The following STIM1 variants were observed in gnomAD, a reference collection of about 807,000 sequenced individuals.
STIM1 encodes stromal interaction molecule 1.
In STIM1, 25 loss-of-function variants were observed where a neutral mutation model predicts 74.7. The ratio of observed to expected loss-of-function variants is 0.33; its 90% CI spans 0.24 to 0.47. The LOEUF (loss-of-function observed/expected upper bound fraction) is 0.47, where lower values mean the gene tolerates loss of function less well. STIM1 is among the 20% of genes least tolerant of loss of function. STIM1 has a pLI of 1.00. For missense variants in STIM1, 728 were observed against 920.8 expected (o/e 0.79, Z 2.71); for synonymous variants, 328 against 348.8 (o/e 0.94, Z 0.66).
intron 2 of STIM1, among the ~76,000 whole-genome samples, chr11:3,983,969 C>T (rs1271953125): frequency 2.6e-5 from 4 of 151,902 alleles, no homozygotes; most frequent in African/African-American, 9.7e-5. Flanking sequence ...TGGATTCAAG[C>T]GATTCTCCTG....
intron 4 of STIM1, among the ~76,000 whole-genome samples, chr11:4,057,478 A>T (rs2094298966): frequency 6.6e-6 from 1 of 152,202 alleles, no homozygotes; most frequent in Non-Finnish European, 1.5e-5. Context: ...TATAATGAGA[A>T]TAATCTAGCA....
At chr11:3,953,109 T>G (rs886263037) in intron 1 of STIM1, among the ~76,000 whole-genome samples, 2 of 152,174 alleles carry the variant, frequency 1.3e-5, no homozygotes, top group Non-Finnish European at 2.9e-5. Context: ...GGAGGAGAGA[T>G]AGCCAGAGAC....
intron 1 of STIM1, among the ~76,000 whole-genome samples, chr11:3,876,840 G>A (rs896389015): frequency 7.2e-5 from 11 of 152,174 alleles, no homozygotes; most frequent in African/African-American, 2.7e-4. Flanking sequence ...GTTCTTGTCT[G>A]TCTCATGCAC....
At chr11:4,024,054 G>A in intron 3 of STIM1, 67 bp downstream of exon 3, 1 of 1,340,160 alleles carries the variant, frequency 7.5e-7, no homozygotes, top group Middle Eastern at 1.8e-4. Context: ...GCAGCAACTT[G>A]GCCTTAGAAG....
At chr11:3,897,662 C>A (rs1017516445) in intron 1 of STIM1, among the ~76,000 whole-genome samples, 2 of 152,098 alleles carry the variant, frequency 1.3e-5, no homozygotes, top group African/African-American at 4.8e-5. Flanking sequence ...TCCCTCCCCC[C>A]GCCACGCCCA....
In STIM1 at chr11:4,092,373, C is replaced by T. The variant is rs1365074191; in HGVS notation, c.*575C>T. The T allele has an allele frequency of 4.2e-5, 7 of 166,984 alleles. No individual in the cohort carries two copies. The highest frequency in any genetic ancestry group is 1.7e-4 in the African/African-American group (7 of 41,746). 10.3% of individuals were successfully genotyped at this position (166,984 alleles called of 1,614,324 possible). On this transcript the variant is annotated 3_prime_UTR_variant, in exon 13 of 13. Coordinates refer to ENST00000526596, the MANE Select transcript of STIM1 (RefSeq NM_001382567.1). ...GAGCCTCATCCTAATCTCACTCAGGCCTCCAGGGATCCATGGGGGAGTGAA... is the reference window on the plus strand; with the variant it reads ...GAGCCTCATCCTAATCTCACTCAGGTCTCCAGGGATCCATGGGGGAGTGAA...
At chr11:3,906,655 T>A (rs889511701) in intron 1 of STIM1, among the ~76,000 whole-genome samples, 8 of 152,174 alleles carry the variant, frequency 5.3e-5, no homozygotes, top group Non-Finnish European at 1.2e-4. Flanking sequence ...TTTAAAAAAA[T>A]TTAAATTTTG....
At chr11:3,992,079 C>CTT (rs2093619102) in intron 2 of STIM1, among the ~76,000 whole-genome samples, 6 of 100,166 alleles carry the variant, frequency 6.0e-5, no homozygotes, top group African/African-American at 1.9e-4. Context: ...TTGCCAACAT[C>CTT]TGTTTTTTTG....
intron 1 of STIM1, among the ~76,000 whole-genome samples, chr11:3,862,879 C>T (rs573428990): frequency 6.0e-5 from 9 of 150,584 alleles, no homozygotes; most frequent in African/African-American, 1.2e-4. Context: ...CACACACACA[C>T]GCACACACAC....
intron 1 of STIM1, among the ~76,000 whole-genome samples, chr11:3,941,729 C>A (rs954132577): frequency 6.6e-6 from 1 of 150,550 alleles, no homozygotes; most frequent in Non-Finnish European, 1.5e-5. Flanking sequence ...CTGTGTTGCC[C>A]AGGCTAGAGT....
intron 12 of STIM1, among the ~76,000 whole-genome samples, chr11:4,087,056 G>T (rs1165481744): frequency 6.6e-6 from 1 of 152,138 alleles, no homozygotes; most frequent in Non-Finnish European, 1.5e-5. Flanking sequence ...TTTGGGGTTT[G>T]CTGACTCTAA....
At chr11:3,954,530 A>T (rs1222881690) in intron 1 of STIM1, among the ~76,000 whole-genome samples, 1 of 152,224 alleles carries the variant, frequency 6.6e-6, no homozygotes, top group African/African-American at 2.4e-5. Context: ...TACTATTGTG[A>T]AAAGTGCTGT....
rs577580651 is a variant in STIM1, at chr11:4,024,945, T to C, written c.385+958T>C. Among the ~76,000 whole-genome samples the C allele has an allele frequency of 7.2e-5, 11 of 152,298 alleles. 1 individual carries two copies. The South Asian group carries it at 1.9e-3, about 26-fold the overall frequency. ...GATAACAATAAGACTAGAAGAAATCTCTCTTCCCAGGGTCTCTTAGGGCAG... is the reference window on the plus strand; with the variant it reads ...GATAACAATAAGACTAGAAGAAATCCCTCTTCCCAGGGTCTCTTAGGGCAG... On this transcript the variant is annotated intron_variant, in intron 3 of 12. Coordinates refer to ENST00000526596, the MANE Select transcript of STIM1 (RefSeq NM_001382567.1).
At chr11:3,924,389 G>A (rs1019207651) in intron 1 of STIM1, among the ~76,000 whole-genome samples, 2 of 151,734 alleles carry the variant, frequency 1.3e-5, no homozygotes, top group African/African-American at 2.4e-5. Context: ...TAGCAGAGGC[G>A]GGGTTTCACC....
intron 8 of STIM1, 133 bp from the exon 9 acceptor site, chr11:4,082,749 C>T (rs2094471804): frequency 9.5e-6 from 7 of 734,202 alleles, no homozygotes; most frequent in Admixed American, 2.6e-5. Context: ...TCTTTTTCCT[C>T]TTTCTCTTCC....
chr11:4,000,259 T>C (rs1475080697), intron 2 of STIM1, among the ~76,000 whole-genome samples: 9 of 115,536 alleles, frequency 7.8e-5, no homozygotes, highest in African/African-American at 2.6e-4. Context: ...CAGCTGCAGA[T>C]CTGAGAATGG....
chr11:3,921,558 A>G (rs2092718101), intron 1 of STIM1, among the ~76,000 whole-genome samples: 1 of 152,248 alleles, frequency 6.6e-6, no homozygotes. Context: ...TGTGTGCTCC[A>G]CAGTGGGTAC....
At chr11:4,013,391 C>G (rs1397171155) in intron 2 of STIM1, among the ~76,000 whole-genome samples, 1 of 152,174 alleles carries the variant, frequency 6.6e-6, no homozygotes, top group Non-Finnish European at 1.5e-5. Context: ...ATTATTGCCT[C>G]AATTTCAGAA....
chr11:4,017,445 C>T lies in STIM1; in HGVS notation c.271-6428C>T, dbSNP rs562613508. 2.0e-5 allele frequency among the ~76,000 whole-genome samples: 3 copies of T among 152,304 alleles called. No homozygotes were observed. In the South Asian group the frequency reaches 6.2e-4, roughly 32 times the overall value. On this transcript the variant is annotated intron_variant, in intron 2 of 12. Coordinates refer to ENST00000526596, the MANE Select transcript of STIM1 (RefSeq NM_001382567.1). ...AGTCCCTATGCAGATCTTCCTTATA[C>T]TTTCTTTCTGAGTTTCTCTGCTCTC...
Sources: gnomAD v4.1 joint callset for allele counts (sites outside exome capture counted in the v4.1 genomes callset) on GRCh38, gnomAD v4.1.1 for gene constraint, MANE v1.5 for transcripts, NCBI Gene and HGNC (gene_info 2026-07-23, HGNC 2026-07-21) for gene names.